SPAG1: variants seen among roughly 807,000 people sequenced by gnomAD.
SPAG1 encodes sperm-associated antigen 1.
In SPAG1, 69 loss-of-function variants were observed where a neutral mutation model predicts 100.5. The ratio of observed to expected loss-of-function variants is 0.69; its 90% CI spans 0.57 to 0.84. The LOEUF is 0.84. Among genes scored for constraint, SPAG1 ranks in the 40% least tolerant of loss-of-function variants. SPAG1 has a pLI of 0.00. For synonymous variants in SPAG1, 336 were observed against 411.6 expected (o/e 0.82, Z 2.22); for missense variants, 955 against 1,133.1 (o/e 0.84, Z 2.26).
intron 13 of SPAG1, 111 bp from the exon 14 acceptor site, chr8:100,225,061 TA>T (rs1818445262): frequency 1.4e-6 from 1 of 701,690 alleles, no homozygotes; most frequent in Admixed American, 2.7e-5. Context: ...GCATGTTTTC[TA>T]CAAGGAAGTA....
intron 3 of SPAG1, among the ~76,000 whole-genome samples, chr8:100,170,761 T>C (rs1405511937): frequency 1.3e-5 from 2 of 152,084 alleles, no homozygotes; most frequent in African/African-American, 4.8e-5. Flanking sequence ...GATCATGCCA[T>C]CTGTGAAAAA....
At chr8:100,234,239 A>G (rs888946081) in intron 16 of SPAG1, among the ~76,000 whole-genome samples, 4 of 152,226 alleles carry the variant, frequency 2.6e-5, no homozygotes, top group African/African-American at 9.6e-5. Context: ...TTAAGGTGTA[A>G]TACAATGAAG....
chr8:100,232,533 A>T (rs375021828), intron 15 of SPAG1, among the ~76,000 whole-genome samples: 6 of 152,170 alleles, frequency 3.9e-5, no homozygotes, highest in African/African-American at 1.4e-4. Flanking sequence ...GCAAGCTCAG[A>T]TGCTCCTACC....
intron 13 of SPAG1, among the ~76,000 whole-genome samples, chr8:100,222,098 G>A (rs1286533403): frequency 2.0e-5 from 3 of 152,292 alleles, no homozygotes; most frequent in Admixed American, 6.5e-5. Flanking sequence ...CCCACGGTGC[G>A]CCATCTGCTG....
At chr8:100,179,298 G>A (rs1200041763) in intron 4 of SPAG1, among the ~76,000 whole-genome samples, 14 of 152,090 alleles carry the variant, frequency 9.2e-5, no homozygotes, top group African/African-American at 2.7e-4. Context: ...CAGGAGAATC[G>A]CTTGAACCTG....
chr8:100,200,996 AT>A (rs1212531773), intron 10 of SPAG1, among the ~76,000 whole-genome samples: 2 of 151,270 alleles, frequency 1.3e-5, no homozygotes, highest in African/African-American at 2.4e-5. Flanking sequence ...CTTAAGAAAG[AT>A]TTTTTTCAGA....
intron 3 of SPAG1, among the ~76,000 whole-genome samples, chr8:100,166,568 T>A (rs2514693): frequency 0.38 from 57,376 of 151,920 alleles, 11,124 homozygotes; most frequent in East Asian, 0.51. Flanking sequence ...ATTTGTAATT[T>A]TTTTGCACCT....
intron 1 of SPAG1, chr8:100,158,973 A>G (rs1815190312): frequency 6.9e-6 from 1 of 144,980 alleles, no homozygotes; most frequent in Non-Finnish European, 1.5e-5. Flanking sequence ...TGATTAGTCA[A>G]AAAAAAAAAA....
At chr8:100,222,655 G>C (rs1055012585) in intron 13 of SPAG1, among the ~76,000 whole-genome samples, 1 of 152,138 alleles carries the variant, frequency 6.6e-6, no homozygotes, top group Non-Finnish European at 1.5e-5. Flanking sequence ...CTGATGAAAA[G>C]GTATTTTAGG....
At chr8:100,232,104 A>G (rs1818799991) in intron 15 of SPAG1, among the ~76,000 whole-genome samples, 1 of 152,176 alleles carries the variant, frequency 6.6e-6, no homozygotes, top group Admixed American at 6.5e-5. Context: ...AGTAAAAGAT[A>G]CCTATATAGA....
intron 1 of SPAG1, among the ~76,000 whole-genome samples, chr8:100,159,439 G>A (rs908235937): frequency 3.9e-5 from 6 of 152,164 alleles, no homozygotes; most frequent in African/African-American, 1.4e-4. Flanking sequence ...TGGAGAAGTG[G>A]ACAGTGTCAT....
intron 14 of SPAG1, among the ~76,000 whole-genome samples, chr8:100,226,752 T>C (rs1258556376): frequency 6.6e-6 from 1 of 152,054 alleles, no homozygotes; most frequent in Non-Finnish European, 1.5e-5. Flanking sequence ...ACCCTGTATG[T>C]GATGAGGCTA....
chr8:100,169,479 C>T (rs1815722481), intron 3 of SPAG1, among the ~76,000 whole-genome samples: 1 of 152,198 alleles, frequency 6.6e-6, no homozygotes, highest in Non-Finnish European at 1.5e-5. Flanking sequence ...GTGGCTCACG[C>T]CTATAATCCA....
chr8:100,164,421 T>G (rs113919602), intron 2 of SPAG1, among the ~76,000 whole-genome samples: 17 of 151,924 alleles, frequency 1.1e-4, no homozygotes, highest in Non-Finnish European at 2.5e-4. Flanking sequence ...AATGATAAAA[T>G]TTTTTTTTAT....
At chr8:100,221,899 G>A (rs970848450) in intron 13 of SPAG1, among the ~76,000 whole-genome samples, 14 of 152,378 alleles carry the variant, frequency 9.2e-5, no homozygotes, top group African/African-American at 3.4e-4. Flanking sequence ...ATAGGCAGAA[G>A]TGACAACCGT....
At chr8:100,160,488 G>A (rs1173500359) in intron 1 of SPAG1, among the ~76,000 whole-genome samples, 1 of 152,100 alleles carries the variant, frequency 6.6e-6, no homozygotes, top group African/African-American at 2.4e-5. Context: ...TTAGTTGGGC[G>A]TGGTGGCCCA....
At chr8:100,205,182 C>T (rs967503958) in intron 10 of SPAG1, among the ~76,000 whole-genome samples, 21 of 152,134 alleles carry the variant, frequency 1.4e-4, no homozygotes, top group Admixed American at 6.5e-5. Flanking sequence ...CCCAGAACCC[C>T]TTGAATGAAG....
Position 100,184,679 on chromosome 8 carries a change from G to A in SPAG1, c.647G>A (p.Gly216Glu). The A allele has an allele frequency of 6.3e-7, 1 of 1,586,876 alleles. No individual in the cohort carries two copies. The highest frequency in any genetic ancestry group is 8.5e-7 in the Non-Finnish European group (1 of 1,171,096). The stretch of plus-strand genomic sequence containing the variant: ...CTTGCCACTCGTGAAAAGGAGAAAG[G>A]AAATGAAGCTTTCAACTCAGGAGAT... ...DFLATREKEK[G>E]NEAFNSGDYE... The change falls in exon 7 of 19, where the codon GGA (glycine) becomes GAA (glutamate). Residue 216 changes from glycine (G) to glutamate (E), a missense_variant. Coordinates refer to ENST00000388798, the MANE Select transcript of SPAG1 (RefSeq NM_003114.5).
intron 16 of SPAG1, 111 bp downstream of exon 16, chr8:100,233,648 T>A: frequency 8.1e-6 from 9 of 1,117,642 alleles, no homozygotes; most frequent in Non-Finnish European, 1.1e-5. Context: ...TTCTTGGATT[T>A]AATCCTAGAA....
Sources: gnomAD v4.1 joint callset for allele counts (sites outside exome capture counted in the v4.1 genomes callset) on GRCh38, gnomAD v4.1.1 for gene constraint, MANE v1.5 for transcripts, NCBI Gene and HGNC (gene_info 2026-07-23, HGNC 2026-07-21) for gene names.